The following FAM184A variants were observed in gnomAD, a reference collection of about 807,000 sequenced individuals.
The protein encoded by FAM184A is protein FAM184A.
FAM184A carries 99 observed loss-of-function variants against 143.8 expected under a neutral mutation model. The ratio of observed to expected loss-of-function variants is 0.69; its 90% confidence interval spans 0.58 to 0.81. The LOEUF (loss-of-function observed/expected upper bound fraction) is 0.81. Ranked by LOEUF, FAM184A falls within the 40% of genes least tolerant of loss-of-function variation. The pLI, the probability that FAM184A is intolerant of heterozygous loss-of-function variation, is 0.00. For synonymous variants in FAM184A, 427 were observed against 446.4 expected (o/e 0.96, Z 0.55); for missense variants, 1,217 against 1,310.5 (o/e 0.93, Z 1.10).
intron 9 of FAM184A, among the ~76,000 whole-genome samples, chr6:118,982,506 G>A (rs377737363): frequency 1.5e-4 from 23 of 152,248 alleles, no homozygotes; most frequent in African/African-American, 5.3e-4. Flanking sequence ...AGTCTACCCA[G>A]CATTCTGCTC....
Position 119,006,569 on chromosome 6 carries a change from CTTG to C in FAM184A, c.1690_1692del (p.Gln564del). 6.2e-7 allele frequency: 1 copy of C among 1,613,542 alleles called. No individual in the cohort carries two copies. The highest frequency in any genetic ancestry group is 8.5e-7 in the Non-Finnish European group (1 of 1,179,776). On this transcript the variant is annotated inframe_deletion, in exon 7 of 18. Transcript: ENST00000338891. ...ATAAGTCCTTCTGCAGAGCCAAGAC[CTTG>C]TTCACTTTTCCTTACCATATCTTGG...
chr6:119,116,807 TCA>T (rs1193325314), intron 1 of FAM184A, among the ~76,000 whole-genome samples: 1 of 152,044 alleles, frequency 6.6e-6, no homozygotes, highest in Non-Finnish European at 1.5e-5. Flanking sequence ...ATTTGGAAAA[TCA>T]CAGATATATG....
At chr6:119,016,322 C>T (rs1785251696) in intron 5 of FAM184A, among the ~76,000 whole-genome samples, 2 of 152,088 alleles carry the variant, frequency 1.3e-5, no homozygotes, top group South Asian at 2.1e-4. Flanking sequence ...TTTGTTCTTT[C>T]ACTCTTTGCA....
intron 5 of FAM184A, among the ~76,000 whole-genome samples, chr6:119,014,835 G>T (rs1041295332): frequency 1.3e-5 from 2 of 152,096 alleles, no homozygotes; most frequent in Non-Finnish European, 2.9e-5. Flanking sequence ...GAGGTGGGAG[G>T]ATCACTTGAG....
At chr6:118,990,846 C>T (rs1411881695) in intron 9 of FAM184A, among the ~76,000 whole-genome samples, 1 of 151,898 alleles carries the variant, frequency 6.6e-6, no homozygotes, top group East Asian at 1.9e-4. Context: ...GCTGAGATCA[C>T]ACCACTGCAC....
Position 118,976,078 on chromosome 6 carries a change from T to C in FAM184A, c.2456-34A>G, listed in dbSNP as rs190868190. 1.0e-5 allele frequency: 16 copies of C among 1,596,616 alleles called. No individual in the cohort carries two copies. The East Asian group carries it at 3.4e-4, about 34-fold the overall frequency. On this transcript the variant is annotated intron_variant, in intron 11 of 17. Coordinates refer to ENST00000338891, the MANE Select transcript of FAM184A (RefSeq NM_024581.6). ...GCAAGGCAAAAATACATTTGGCACA[T>C]TTAAAAAATATTATCAATACTTTAG...
At chr6:119,072,865 A>G (rs922319159) in intron 1 of FAM184A, among the ~76,000 whole-genome samples, 25 of 145,798 alleles carry the variant, frequency 1.7e-4, no homozygotes, top group Admixed American at 1.5e-3. Flanking sequence ...ATCTATCATT[A>G]ACCCAGAAGA....
At chr6:119,045,607 T>C (rs1235458346) in intron 1 of FAM184A, among the ~76,000 whole-genome samples, 1 of 152,116 alleles carries the variant, frequency 6.6e-6, no homozygotes, top group Non-Finnish European at 1.5e-5. Context: ...GGAGAGGGGA[T>C]GTAGGGTAGG....
At chr6:118,970,247 G>A (rs145101955) in intron 14 of FAM184A, among the ~76,000 whole-genome samples, 3,762 of 150,766 alleles carry the variant, frequency 0.025, 168 homozygotes, top group African/African-American at 0.087. Flanking sequence ...CAGGTGATCC[G>A]CCTGCCTCGG....
chr6:119,112,278 C>T (rs146498872), intron 1 of FAM184A, among the ~76,000 whole-genome samples: 119 of 151,826 alleles, frequency 7.8e-4, no homozygotes, highest in African/African-American at 2.3e-3. Flanking sequence ...ATTACAGGCA[C>T]GTTACATGCC....
intron 1 of FAM184A, among the ~76,000 whole-genome samples, chr6:119,111,088 C>T (rs1428607983): frequency 1.3e-5 from 2 of 152,134 alleles, no homozygotes; most frequent in Non-Finnish European, 2.9e-5. Context: ...TTCATAGCAA[C>T]ATTATTTATA....
intron 1 of FAM184A, among the ~76,000 whole-genome samples, chr6:119,033,586 A>G (rs9374773): frequency 0.16 from 23,309 of 149,498 alleles, 2,377 homozygotes; most frequent in East Asian, 0.32. Flanking sequence ...AATCGCTTGT[A>G]CCCAGGAGGT....
At chr6:119,092,352 G>C (rs762136810) in intron 1 of FAM184A, among the ~76,000 whole-genome samples, 4 of 152,100 alleles carry the variant, frequency 2.6e-5, no homozygotes, top group Admixed American at 6.6e-5. Context: ...GCCCAGCCTG[G>C]TTTTGAACTC....
chr6:119,100,623 C>T (rs1788614493), intron 1 of FAM184A, among the ~76,000 whole-genome samples: 1 of 147,036 alleles, frequency 6.8e-6, no homozygotes. Context: ...TAGTTTTTAC[C>T]TCTCTGTACT....
Position 118,974,575 on chromosome 6 carries a change from C to T in FAM184A, c.2769-1G>A. 6.3e-7 allele frequency: 1 copy of T among 1,586,294 alleles called. No individual in the cohort carries two copies. The highest frequency in any genetic ancestry group is 8.6e-7 in the Non-Finnish European group (1 of 1,168,780). On this transcript the variant is annotated splice_acceptor_variant, in intron 13 of 17. Transcript: ENST00000338891. LOFTEE classifies it high-confidence loss of function. ...CTTGTTTAAATCTTGTTCATGCAAC[C>T]TGTTTGATTTATTTTTAGTTAAGAA...
intron 9 of FAM184A, among the ~76,000 whole-genome samples, chr6:118,986,149 C>T (rs751061170): frequency 1.9e-4 from 29 of 151,978 alleles, no homozygotes; most frequent in Non-Finnish European, 3.2e-4. Context: ...AAAAATTAGC[C>T]GGGTGTGGCA....
chr6:119,018,643 T>C (rs558323269), intron 4 of FAM184A, among the ~76,000 whole-genome samples: 177 of 152,280 alleles, frequency 1.2e-3, no homozygotes, highest in South Asian at 2.3e-3. Flanking sequence ...TATATACTTT[T>C]AAAAACAATC....
chr6:119,003,166 G>C (rs1784818125), intron 8 of FAM184A, 117 bp from the exon 9 acceptor site: 1 of 907,216 alleles, frequency 1.1e-6, no homozygotes. Context: ...CTATGATGCT[G>C]AGGAAAGCAG....
chr6:119,086,981 G>A (rs1045274145), intron 1 of FAM184A, among the ~76,000 whole-genome samples: 2 of 152,168 alleles, frequency 1.3e-5, no homozygotes, highest in African/African-American at 4.8e-5. Flanking sequence ...ACAGAGAGCT[G>A]TCAAGTTTGC....
Sources: allele counts gnomAD v4.1 joint callset (sites outside exome capture counted in the v4.1 genomes callset), GRCh38; gene constraint gnomAD v4.1.1; transcripts MANE v1.5; gene names NCBI Gene and HGNC (gene_info 2026-07-23, HGNC 2026-07-21).